ZNF804A: variants seen among roughly 807,000 people sequenced by gnomAD.
ZNF804A encodes zinc finger protein 804A.
In ZNF804A, 2 loss-of-function variants were observed where a neutral mutation model predicts 16.5. The observed-to-expected ratio is 0.12, with a 90% CI of 0.05 to 0.38. ZNF804A has a LOEUF of 0.38. ZNF804A is among the 10% of genes least tolerant of loss of function. The pLI, the probability that ZNF804A is intolerant of heterozygous loss-of-function variation, is 0.99. For missense variants in ZNF804A, 1,473 were observed against 1,390.7 expected (o/e 1.06, Z -0.94); for synonymous variants, 534 against 489.6 (o/e 1.09, Z -1.20).
chr2:184,815,463 A>C (rs1421534230), intron 1 of ZNF804A, among the ~76,000 whole-genome samples: 1 of 151,900 alleles, frequency 6.6e-6, no homozygotes, highest in Admixed American at 6.6e-5. Flanking sequence ...AAAGTTAAAC[A>C]TAAATGGACA....
rs1052434338 is a variant in ZNF804A at position 184,936,901 on chromosome 2, A to G, written c.1505A>G (p.Asp502Gly). 2 of 1,613,868 alleles carry G rather than the reference A, an allele frequency of 1.2e-6. No homozygotes were observed. The highest frequency in any genetic ancestry group is 1.7e-6 in the Non-Finnish European group (2 of 1,179,866). Residue 502 changes from aspartate (D) to glycine (G), a missense_variant, in exon 4 of 4, where the codon GAT becomes GGT. Physicochemically the swap from Asp to Gly is moderately conservative, Grantham distance 94 (BLOSUM62 -1). Transcript: ENST00000302277. The part of the protein sequence containing the change: ...ICMGPLSDYK[D>G]VSTEGLTDYE... ...ATGGGACCACTTTCAGATTACAAGG[A>G]TGTATCTACAGAAGGACTCACTGAT...
chr2:184,933,550 A>T, intron 2 of ZNF804A, 53 bp from the exon 3 acceptor site: 2 of 1,518,008 alleles, frequency 1.3e-6, no homozygotes, highest in Admixed American at 2.4e-5. Flanking sequence ...TGAAACTTTA[A>T]AACTACTATA....
At chr2:184,847,363 C>G (rs1695536297) in intron 1 of ZNF804A, among the ~76,000 whole-genome samples, 1 of 151,996 alleles carries the variant, frequency 6.6e-6, no homozygotes, top group East Asian at 1.9e-4. Context: ...AAAATTGTGA[C>G]TTTCTAACTC....
chr2:184,599,087 T>G lies in ZNF804A; in HGVS notation c.111+17T>G, dbSNP rs1230295004. 2 of 1,451,480 alleles carry G rather than the reference T, an allele frequency of 1.4e-6. No homozygotes were observed. The highest frequency in any genetic ancestry group is 1.6e-5 in the African/African-American group (1 of 62,620). The allele number at this position is 1,451,480 out of a possible 1,614,324, so 89.9% of individuals were successfully genotyped here. On this transcript the variant is annotated intron_variant, in intron 1 of 3. Transcript: ENST00000302277. The stretch of plus-strand genomic sequence containing the variant: ...AAAACTCTGGTAATCGCTTCTGTTT[T>G]CCTCTCTCTCTCTCTCATATTTAAG...
chr2:184,855,055 C>T lies in ZNF804A; in HGVS notation c.112-11314C>T, dbSNP rs938048351. On this transcript the variant is annotated intron_variant, in intron 1 of 3. Coordinates refer to ENST00000302277, the MANE Select transcript of ZNF804A (RefSeq NM_194250.2). ...TGATGAAGATCTGATGCCAAGTCTA[C>T]AGACTGTAATAAACCAAATCTATAA... Among the ~76,000 whole-genome samples, 3 of 152,034 alleles carry T rather than the reference C, an allele frequency of 2.0e-5. No individual in the cohort carries two copies. In the South Asian group the frequency reaches 6.2e-4, roughly 32 times the overall value.
At chr2:184,759,819 C>A (rs899437094) in intron 1 of ZNF804A, among the ~76,000 whole-genome samples, 1 of 152,024 alleles carries the variant, frequency 6.6e-6, no homozygotes, top group African/African-American at 2.4e-5. Context: ...CTGAGCACCC[C>A]ACTCCTGCCC....
chr2:184,843,358 G>A (rs1339152419), intron 1 of ZNF804A, among the ~76,000 whole-genome samples: 1 of 152,058 alleles, frequency 6.6e-6, no homozygotes, highest in African/African-American at 2.4e-5. Flanking sequence ...TGCCTCCTGA[G>A]TTCAAGCGAT....
At chr2:184,907,548 G>A (rs1321376398) in intron 2 of ZNF804A, among the ~76,000 whole-genome samples, 1 of 151,976 alleles carries the variant, frequency 6.6e-6, no homozygotes, top group Non-Finnish European at 1.5e-5. Flanking sequence ...CGCCTCTGTA[G>A]CACCTTTAAT....
intron 1 of ZNF804A, among the ~76,000 whole-genome samples, chr2:184,847,040 T>A (rs935592632): frequency 7.9e-5 from 12 of 152,168 alleles, no homozygotes; most frequent in African/African-American, 2.9e-4. Context: ...CCTATGAATG[T>A]ACCTCTTTCC....
At chr2:184,796,457 G>A (rs189322454) in intron 1 of ZNF804A, among the ~76,000 whole-genome samples, 1 of 152,040 alleles carries the variant, frequency 6.6e-6, no homozygotes, top group African/African-American at 2.4e-5. Flanking sequence ...AGCTAGGAGG[G>A]CTGTATTTTT....
chr2:184,843,450 T>G (rs955577583), intron 1 of ZNF804A, among the ~76,000 whole-genome samples: 5 of 151,810 alleles, frequency 3.3e-5, no homozygotes, highest in Admixed American at 6.6e-5. Context: ...GTGTGTGTGT[T>G]TTTAGTAGAG....
chr2:184,935,997 G>T lies in ZNF804A; in HGVS notation c.601G>T (p.Gly201Trp), dbSNP rs780213451. The change falls in exon 4 of 4, where the codon GGG (glycine) becomes TGG (tryptophan). Residue 201 changes from glycine to tryptophan, a missense_variant. By Grantham distance (184) the Gly-to-Trp change is radical. Coordinates refer to ENST00000302277, the MANE Select transcript of ZNF804A (RefSeq NM_194250.2). ...NNYTAKNNQV[G>W]DQAQGIHRHK... ...TTATACAGCAAAAAATAACCAAGTT[G>T]GGGATCAAGCCCAGGGGATTCACAG... 33 of 1,613,898 alleles carry T rather than the reference G, an allele frequency of 2.0e-5. No homozygotes were observed. The highest frequency in any genetic ancestry group is 2.7e-5 in the Non-Finnish European group (32 of 1,179,964).
intron 1 of ZNF804A, among the ~76,000 whole-genome samples, chr2:184,772,399 C>G (rs1162625507): frequency 3.3e-5 from 5 of 151,824 alleles, no homozygotes; most frequent in Non-Finnish European, 7.4e-5. Flanking sequence ...AAACGTCTTT[C>G]GTGACTTGCT....
Position 184,919,859 on chromosome 2 carries a change from T to C in ZNF804A, c.256-13744T>C, listed in dbSNP as rs532216452. 2.6e-5 allele frequency among the ~76,000 whole-genome samples: 4 copies of C among 152,280 alleles called. No individual in the cohort carries two copies. The East Asian group carries it at 7.7e-4, about 29-fold the overall frequency. The stretch of plus-strand genomic sequence containing the variant: ...GGCTGGTCATGGTGGCTTATGCCTG[T>C]AATCCCAGCACTTCGGGAGGCTGAG... On this transcript the variant is annotated intron_variant, in intron 2 of 3. Transcript: ENST00000302277.
chr2:184,869,858 T>A (rs1324775601), intron 2 of ZNF804A, among the ~76,000 whole-genome samples: 2 of 152,068 alleles, frequency 1.3e-5, no homozygotes, highest in Non-Finnish European at 2.9e-5. Flanking sequence ...GAAATTCGGT[T>A]TCCTTTCATC....
At position 184,936,540 on chromosome 2, in the gene ZNF804A, C is replaced by T. The variant is rs760725687; in HGVS notation, c.1144C>T (p.His382Tyr). Residue 382 changes from histidine (H) to tyrosine (Y), a missense_variant, in exon 4 of 4, where the codon CAT (histidine) becomes TAT (tyrosine). By Grantham distance (83) the His-to-Tyr change is moderately conservative (BLOSUM62 2). Coordinates refer to ENST00000302277, the MANE Select transcript of ZNF804A (RefSeq NM_194250.2). The stretch of plus-strand genomic sequence containing the variant: ...AGCTACCACAGAGGAAAATGTTAAG[C>T]ATAACGAGGCATCCACAACTGAGGT... ...VQATTEENVK[H>Y]NEASTTEVEN... 1 of 1,613,960 alleles carries T rather than the reference C, an allele frequency of 6.2e-7. No individual in the cohort carries two copies. The highest frequency in any genetic ancestry group is 8.5e-7 in the Non-Finnish European group (1 of 1,179,946).
intron 1 of ZNF804A, among the ~76,000 whole-genome samples, chr2:184,732,573 A>T (rs1328341301): frequency 6.6e-6 from 1 of 152,106 alleles, no homozygotes; most frequent in Non-Finnish European, 1.5e-5. Context: ...AATAACTTGC[A>T]GATATTTTTA....
At chr2:184,720,321 T>C (rs759643611) in intron 1 of ZNF804A, among the ~76,000 whole-genome samples, 16 of 152,316 alleles carry the variant, frequency 1.1e-4, no homozygotes, top group Admixed American at 2.0e-4. Context: ...AAATTTATAT[T>C]GTTCCTTTTT....
At chr2:184,789,801 T>C (rs1055300857) in intron 1 of ZNF804A, among the ~76,000 whole-genome samples, 2 of 152,120 alleles carry the variant, frequency 1.3e-5, no homozygotes, top group African/African-American at 2.4e-5. Flanking sequence ...TGATTCTTTG[T>C]ATCTTTATTT....
Sources: gnomAD v4.1 joint callset for allele counts (sites outside exome capture counted in the v4.1 genomes callset) on GRCh38, gnomAD v4.1.1 for gene constraint, MANE v1.5 for transcripts, NCBI Gene and HGNC (gene_info 2026-07-23, HGNC 2026-07-21) for gene names.